SYT1: variants seen among roughly 807,000 people sequenced by gnomAD.
SYT1 encodes synaptotagmin-1.
A neutral mutation model predicts 44.8 loss-of-function variants in SYT1; 8 were observed. The observed-to-expected ratio is 0.18, with a 90% CI of 0.10 to 0.32. The LOEUF is 0.32. Ranked by LOEUF, SYT1 falls within the 10% of genes least tolerant of loss-of-function variation. The pLI, the probability that SYT1 is intolerant of heterozygous loss-of-function variation, is 1.00. For synonymous variants in SYT1, 154 were observed against 188.8 expected (o/e 0.82, Z 1.51); for missense variants, 286 against 509.3 (o/e 0.56, Z 4.22).
chr12:79,429,410 T>C (rs1869642019), intron 9 of SYT1, among the ~76,000 whole-genome samples: 1 of 151,760 alleles, frequency 6.6e-6, no homozygotes, highest in Non-Finnish European at 1.5e-5. Flanking sequence ...GGTTTCACCA[T>C]GTTGACCAGG....
intron 3 of SYT1, among the ~76,000 whole-genome samples, chr12:79,198,280 A>G (rs1565850721): frequency 6.6e-6 from 1 of 152,280 alleles, no homozygotes; most frequent in East Asian, 1.9e-4. Flanking sequence ...AAATTCATCA[A>G]TTGCAAGAAA....
At chr12:79,023,286 C>T (rs1173727895) in intron 2 of SYT1, among the ~76,000 whole-genome samples, 2 of 151,802 alleles carry the variant, frequency 1.3e-5, no homozygotes, top group Non-Finnish European at 2.9e-5. Flanking sequence ...TTATGGCTGT[C>T]ATTGTGCTCT....
chr12:79,205,192 G>A (rs996516350), intron 3 of SYT1, among the ~76,000 whole-genome samples: 13 of 152,100 alleles, frequency 8.5e-5, no homozygotes, highest in African/African-American at 2.9e-4. Flanking sequence ...TCAATCTCCT[G>A]ACCTCGTGAT....
chr12:78,989,006 C>T (rs187331621), intron 2 of SYT1, among the ~76,000 whole-genome samples: 1 of 152,038 alleles, frequency 6.6e-6, no homozygotes, highest in East Asian at 1.9e-4. Flanking sequence ...TAAAGTAGAA[C>T]CTATATGACT....
At chr12:79,421,060 C>T (rs1457704923) in intron 9 of SYT1, among the ~76,000 whole-genome samples, 1 of 152,008 alleles carries the variant, frequency 6.6e-6, no homozygotes, top group East Asian at 1.9e-4. Context: ...GACATGGCTG[C>T]TTTAGGAGGG....
chr12:78,951,780 T>A (rs1878980369), intron 1 of SYT1, among the ~76,000 whole-genome samples: 1 of 152,056 alleles, frequency 6.6e-6, no homozygotes, highest in Non-Finnish European at 1.5e-5. Context: ...TTCACCTGAG[T>A]GGGTATTTTG....
At chr12:79,419,245 A>C (rs1868947044) in intron 9 of SYT1, 1 of 523,286 alleles carries the variant, frequency 1.9e-6, no homozygotes, top group East Asian at 5.5e-5. Context: ...GTTGAGAAAA[A>C]ATGTGAGGTG....
intron 1 of SYT1, among the ~76,000 whole-genome samples, chr12:78,920,382 A>G (rs1876912139): frequency 6.6e-6 from 1 of 152,128 alleles, no homozygotes; most frequent in East Asian, 1.9e-4. Context: ...AAATGAAAAG[A>G]CAAAATATGC....
At chr12:79,282,299 C>T (rs895861743) in intron 4 of SYT1, among the ~76,000 whole-genome samples, 1 of 152,242 alleles carries the variant, frequency 6.6e-6, no homozygotes, top group South Asian at 2.1e-4. Flanking sequence ...ATTAAAACAT[C>T]AGAAGCAGTT....
intron 2 of SYT1, among the ~76,000 whole-genome samples, chr12:79,002,435 G>A (rs192822670): frequency 2.9e-4 from 44 of 151,752 alleles, no homozygotes; most frequent in African/African-American, 1.1e-3. Context: ...TTCCTTGTTT[G>A]GCTTTTTGCT....
chr12:79,066,538 G>C (rs926969002), intron 3 of SYT1, among the ~76,000 whole-genome samples: 47 of 151,812 alleles, frequency 3.1e-4, no homozygotes, highest in African/African-American at 1.1e-3. Context: ...ATCATCTGGG[G>C]AGAGAGAGCA....
intron 4 of SYT1, among the ~76,000 whole-genome samples, chr12:79,228,161 G>A (rs1180137145): frequency 6.6e-6 from 1 of 151,500 alleles, no homozygotes; most frequent in Non-Finnish European, 1.5e-5. Context: ...AGGTTCTTAA[G>A]GATACCAGTT....
intron 3 of SYT1, among the ~76,000 whole-genome samples, chr12:79,193,599 A>T (rs927212294): frequency 6.6e-6 from 1 of 152,082 alleles, no homozygotes; most frequent in Admixed American, 6.6e-5. Flanking sequence ...ATTGTGCCTC[A>T]AACCAGTAAT....
At chr12:78,893,506 A>T (rs1875167050) in intron 1 of SYT1, among the ~76,000 whole-genome samples, 2 of 151,816 alleles carry the variant, frequency 1.3e-5, no homozygotes, top group South Asian at 4.1e-4. Context: ...TGAATACTAA[A>T]AAAATAAAAT....
chr12:79,088,945 G>T (rs73353563), intron 3 of SYT1, among the ~76,000 whole-genome samples: 5,127 of 151,790 alleles, frequency 0.034, 174 homozygotes, highest in South Asian at 0.11. Context: ...TTCTTGAGAT[G>T]GGAGAAGATT....
chr12:79,314,038 G>C (rs889579799), intron 8 of SYT1, among the ~76,000 whole-genome samples: 1 of 150,642 alleles, frequency 6.6e-6, no homozygotes, highest in African/African-American at 2.5e-5. Flanking sequence ...GCGTGGTAGC[G>C]GGCGCCTGTA....
At chr12:78,872,014 C>A (rs1311797387) in intron 1 of SYT1, among the ~76,000 whole-genome samples, 1 of 151,866 alleles carries the variant, frequency 6.6e-6, no homozygotes, top group Admixed American at 6.6e-5. Flanking sequence ...ACAGGAAATT[C>A]TTCTGTTAAA....
chr12:78,891,224 A>G (rs1267958752), intron 1 of SYT1, among the ~76,000 whole-genome samples: 2 of 151,908 alleles, frequency 1.3e-5, no homozygotes, highest in East Asian at 3.9e-4. Context: ...GCCAACATAT[A>G]ATTTATGGTG....
intron 1 of SYT1, among the ~76,000 whole-genome samples, chr12:78,961,327 T>A (rs1879491228): frequency 6.6e-6 from 1 of 152,048 alleles, no homozygotes; most frequent in African/African-American, 2.4e-5. Context: ...CAAGCTGGTC[T>A]TGAACTCCTG....
Sources: allele counts gnomAD v4.1 joint callset (sites outside exome capture counted in the v4.1 genomes callset), GRCh38; gene constraint gnomAD v4.1.1; transcripts MANE v1.5; gene names NCBI Gene and HGNC (gene_info 2026-07-23, HGNC 2026-07-21).